The following PCDH11X variants were observed in gnomAD, a reference collection of about 807,000 sequenced individuals.
PCDH11X encodes protocadherin 11 X-linked.
PCDH11X carries 18 observed loss-of-function variants against 53.3 expected under a neutral mutation model. That is an observed-to-expected ratio of 0.34 (90% confidence interval 0.23 to 0.50). The LOEUF is 0.50. PCDH11X is among the 20% of genes least tolerant of loss of function. The probability of loss-of-function intolerance (pLI) is 0.98; values close to 1 mark genes in which losing one functional copy is unlikely to be tolerated. For missense variants in PCDH11X, 570 were observed against 1,032.4 expected, an observed-to-expected ratio of 0.55 and a Z score of 6.14; for synonymous variants, 279 against 393.3, an observed-to-expected ratio of 0.71 and a Z score of 3.44.
intron 8 of PCDH11X, among the ~76,000 whole-genome samples, chrX:92,370,526 C>A: frequency 1.0e-5 from 1 of 99,036 alleles, no homozygotes; most frequent in Non-Finnish European, 2.0e-5. Context: ...GTGGTGTGAT[C>A]TTGGCTCACT....
intron 9 of PCDH11X, among the ~76,000 whole-genome samples, chrX:92,446,457 C>A (rs1413163106): frequency 9.0e-6 from 1 of 110,823 alleles, no homozygotes; most frequent in Non-Finnish European, 1.9e-5. Flanking sequence ...GCAGGCCTTT[C>A]CTGTGCTGTT....
At chrX:92,552,994 C>CGTGTGTGT (rs57655496) in intron 10 of PCDH11X, among the ~76,000 whole-genome samples, 10,039 of 88,731 alleles carry the variant, frequency 0.11, 529 homozygotes, top group Middle Eastern at 0.18. Context: ...CTGCAATTTT[C>CGTGTGTGT]GTGTGTGTGT....
chrX:91,845,751 A>G (rs182968214), intron 5 of PCDH11X, among the ~76,000 whole-genome samples: 50 of 111,127 alleles, frequency 4.5e-4, no homozygotes, highest in African/African-American at 1.5e-3. Flanking sequence ...CTGTTTATCT[A>G]TATGTTTAAG....
intron 8 of PCDH11X, among the ~76,000 whole-genome samples, chrX:92,310,373 G>GT (rs956096939): frequency 1.8e-5 from 2 of 111,747 alleles, no homozygotes; most frequent in African/African-American, 3.3e-5. Flanking sequence ...TTAACATCAT[G>GT]TTTTTTCTAA....
chrX:92,309,675 A>G (rs1224153984), intron 8 of PCDH11X, among the ~76,000 whole-genome samples: 7 of 111,977 alleles, frequency 6.3e-5, no homozygotes, highest in Non-Finnish European at 1.1e-4. Flanking sequence ...TTTTTTCACA[A>G]TGAAAGAAAC....
intron 6 of PCDH11X, among the ~76,000 whole-genome samples, chrX:92,120,187 GTCTC>G: frequency 1.2e-5 from 1 of 85,922 alleles, no homozygotes; most frequent in Admixed American, 1.5e-4. Flanking sequence ...TTGAGACAGA[GTCTC>G]TCTCTGTCAC....
rs61267828 is a variant in PCDH11X, at chrX:92,505,167, G to GT, written c.3367+36854dup. Among the ~76,000 whole-genome samples, 326 of 56,753 alleles carry GT rather than the reference G, an allele frequency of 5.7e-3. 4 individuals are homozygous for GT. The highest frequency in any genetic ancestry group is 0.024 in the African/African-American group (294 of 12,447). 49.3% of individuals were successfully genotyped at this position (56,753 alleles called of 115,157 possible). On this transcript the variant is annotated intron_variant, in intron 10 of 10. Transcript: ENST00000682573. ...TTTCTTTTTTCTTTTTTTTTTTTTTGTTTTTTTTTGCTGTGCAGATGCACT... is the reference window on the plus strand; with the variant it reads ...TTTCTTTTTTCTTTTTTTTTTTTTTGTTTTTTTTTTGCTGTGCAGATGCACT...
chrX:91,967,826 C>T (rs1322473981), intron 6 of PCDH11X, among the ~76,000 whole-genome samples: 2 of 111,949 alleles, frequency 1.8e-5, no homozygotes, highest in African/African-American at 3.2e-5. Context: ...CTTAGTTGTA[C>T]AACAAATCTC....
At chrX:92,283,131 A>G (rs1333826299) in intron 8 of PCDH11X, among the ~76,000 whole-genome samples, 1 of 111,504 alleles carries the variant, frequency 9.0e-6, no homozygotes, top group Non-Finnish European at 1.9e-5. Flanking sequence ...CCAGATCTCT[A>G]CATGATAATT....
intron 6 of PCDH11X, among the ~76,000 whole-genome samples, chrX:92,004,905 A>G (rs1264044277): frequency 2.8e-5 from 3 of 107,069 alleles, no homozygotes; most frequent in Admixed American, 2.0e-4. Flanking sequence ...CCTCCCAAGT[A>G]GCTGGGACTA....
At chrX:92,559,375 A>G (rs1232401861) in intron 10 of PCDH11X, among the ~76,000 whole-genome samples, 1 of 111,206 alleles carries the variant, frequency 9.0e-6, no homozygotes, top group African/African-American at 3.3e-5. Context: ...GAAGAGCAAG[A>G]TTGTGAAATA....
chrX:92,447,234 C>T (rs1380002556), intron 9 of PCDH11X, among the ~76,000 whole-genome samples: 1 of 111,788 alleles, frequency 8.9e-6, no homozygotes, highest in Admixed American at 9.5e-5. Context: ...ATTTGCATAA[C>T]TAATTAGAAG....
chrX:92,221,320 CACACACAT>C (rs1295738374), intron 7 of PCDH11X, among the ~76,000 whole-genome samples: 6 of 66,994 alleles, frequency 9.0e-5, no homozygotes, highest in East Asian at 1.1e-3. Flanking sequence ...CACACACACA[CACACACAT>C]ATATACGAAG....
At chrX:92,007,692 T>C (rs1158541324) in intron 6 of PCDH11X, among the ~76,000 whole-genome samples, 1 of 111,637 alleles carries the variant, frequency 9.0e-6, no homozygotes, top group Non-Finnish European at 1.9e-5. Flanking sequence ...CATTTACTTT[T>C]CTGTCTGCTT....
At chrX:92,230,566 C>T (rs1444368090) in intron 7 of PCDH11X, among the ~76,000 whole-genome samples, 2 of 88,679 alleles carry the variant, frequency 2.3e-5, no homozygotes, top group Admixed American at 2.9e-4. Flanking sequence ...ATATAAAATA[C>T]ATATATAATA....
intron 8 of PCDH11X, among the ~76,000 whole-genome samples, chrX:92,278,637 G>A (rs375004655): frequency 9.1e-6 from 1 of 110,003 alleles, no homozygotes; most frequent in East Asian, 2.9e-4. Context: ...CAGTTAAGGT[G>A]GGGCAGGAAC....
intron 7 of PCDH11X, among the ~76,000 whole-genome samples, chrX:92,212,597 G>C (rs764171707): frequency 9.0e-6 from 1 of 111,529 alleles, no homozygotes; most frequent in East Asian, 2.9e-4. Flanking sequence ...TGATCCACCC[G>C]CCTCGGCCTC....
chrX:92,175,787 C>T (rs1450869576), intron 6 of PCDH11X, among the ~76,000 whole-genome samples: 10 of 94,152 alleles, frequency 1.1e-4, no homozygotes, highest in African/African-American at 2.0e-4. Context: ...TATATATATA[C>T]ACACACACAC....
Position 92,114,854 on chromosome X carries a change from C to T in PCDH11X, c.3034-86521C>T, listed in dbSNP as rs778799890. Among the ~76,000 whole-genome samples the T allele has an allele frequency of 9.6e-4, 104 of 108,288 alleles. 1 individual carries two copies. The highest frequency in any genetic ancestry group is 1.6e-3 in the Non-Finnish European group (86 of 52,722). 94.0% of individuals were successfully genotyped at this position (108,288 alleles called of 115,157 possible). A position where few individuals can be genotyped will look rare whatever the true frequency, so the allele number is the denominator to read the frequency against. ...TTTATTTATTTATTTATTTTTGAGA[C>T]GGAGTCTTGCTCTGTCGTCCAGGCT... On this transcript the variant is annotated intron_variant, in intron 6 of 10. Transcript: ENST00000682573.
Sources: gnomAD v4.1 joint callset for allele counts (sites outside exome capture counted in the v4.1 genomes callset) on GRCh38, gnomAD v4.1.1 for gene constraint, MANE v1.5 for transcripts, NCBI Gene and HGNC (gene_info 2026-07-23, HGNC 2026-07-21) for gene names.